PEX7: variants seen among roughly 807,000 people sequenced by gnomAD.
The protein encoded by PEX7 is PTS2 receptor.
A neutral mutation model predicts 47.5 loss-of-function variants in PEX7; 34 were observed. That is an observed-to-expected ratio of 0.72 (90% CI 0.54 to 0.95). The LOEUF (loss-of-function observed/expected upper bound fraction) is 0.95, where lower values mean the gene tolerates loss of function less well. Ranked by LOEUF, PEX7 falls within the 40% of genes least tolerant of loss-of-function variation. The probability of loss-of-function intolerance (pLI) is 0.00; values close to 1 mark genes in which losing one functional copy is unlikely to be tolerated. For missense variants in PEX7, 394 were observed against 400.3 expected (o/e 0.98, Z 0.13); for synonymous variants, 141 against 148.8 (o/e 0.95, Z 0.38).
chr6:136,888,557 A>G (rs138028674), intron 8 of PEX7, among the ~76,000 whole-genome samples: 1 of 152,252 alleles, frequency 6.6e-6, no homozygotes, highest in African/African-American at 2.4e-5. Flanking sequence ...GAACGGGAAT[A>G]TTTGCATTCC....
intron 5 of PEX7, among the ~76,000 whole-genome samples, chr6:136,862,614 G>T (rs1160093595): frequency 6.6e-6 from 1 of 152,172 alleles, no homozygotes; most frequent in African/African-American, 2.4e-5. Flanking sequence ...GGGCTCAAGT[G>T]ATCCTCCTGC....
chr6:136,898,607 AG>A (rs2115273693), intron 9 of PEX7, among the ~76,000 whole-genome samples: 1 of 152,322 alleles, frequency 6.6e-6, no homozygotes, highest in South Asian at 2.1e-4. Flanking sequence ...CCCATTAGGC[AG>A]TTGAGACCAT....
intron 8 of PEX7, among the ~76,000 whole-genome samples, chr6:136,893,837 A>T (rs1775598597): frequency 6.6e-6 from 1 of 152,268 alleles, no homozygotes; most frequent in African/African-American, 2.4e-5. Context: ...CTTACAAGTA[A>T]TTCATGACTA....
At position 136,825,206 on chromosome 6, in the gene PEX7, C is replaced by G. The variant is rs765917993; in HGVS notation, c.131-8C>G. On this transcript the variant is annotated splice_region_variant and splice_polypyrimidine_tract_variant and intron_variant, in intron 1 of 9. Transcript: ENST00000318471. ...CAAAGGGATGACCTTGATTTTTTTTCTCTTTAGGCTGTGGAACCCTACTAA... is the reference window on the plus strand; with the variant it reads ...CAAAGGGATGACCTTGATTTTTTTTGTCTTTAGGCTGTGGAACCCTACTAA... The G allele has an allele frequency of 6.2e-7, 1 of 1,612,738 alleles. No homozygotes were observed. Among genetic ancestry groups the G allele is most frequent in the Non-Finnish European group, 8.5e-7 (1 of 1,178,926 alleles).
intron 8 of PEX7, among the ~76,000 whole-genome samples, chr6:136,882,586 A>T (rs1775396333): frequency 6.6e-6 from 1 of 152,090 alleles, no homozygotes; most frequent in Admixed American, 6.6e-5. Flanking sequence ...ACTCAAGCAC[A>T]AATTATCTTA....
At chr6:136,905,646 A>G (rs1775833803) in intron 9 of PEX7, among the ~76,000 whole-genome samples, 1 of 152,114 alleles carries the variant, frequency 6.6e-6, no homozygotes, top group African/African-American at 2.4e-5. Context: ...CCTCTTTGCT[A>G]CATATCTTCA....
chr6:136,892,523 C>T (rs1193538921), intron 8 of PEX7, among the ~76,000 whole-genome samples: 1 of 152,128 alleles, frequency 6.6e-6, no homozygotes. Context: ...TTTCTTGGAT[C>T]ATATTGTCTT....
At chr6:136,842,760 T>TC (rs1185331524) in intron 3 of PEX7, among the ~76,000 whole-genome samples, 1 of 152,240 alleles carries the variant, frequency 6.6e-6, no homozygotes, top group African/African-American at 2.4e-5. Flanking sequence ...ATGTGAGTTA[T>TC]GTAACATTCT....
intron 8 of PEX7, among the ~76,000 whole-genome samples, chr6:136,873,641 T>A (rs1442450488): frequency 6.6e-6 from 1 of 152,172 alleles, no homozygotes; most frequent in Non-Finnish European, 1.5e-5. Context: ...TAAAATTCCC[T>A]CCACAAATAC....
intron 6 of PEX7, among the ~76,000 whole-genome samples, chr6:136,867,582 G>T (rs1453433918): frequency 6.6e-6 from 1 of 151,990 alleles, no homozygotes; most frequent in African/African-American, 2.4e-5. Flanking sequence ...GCTCTACAAT[G>T]TGTTTATATT....
chr6:136,887,710 G>A (rs1011605676), intron 8 of PEX7, among the ~76,000 whole-genome samples: 1 of 152,066 alleles, frequency 6.6e-6, no homozygotes, highest in African/African-American at 2.4e-5. Context: ...GGTTTATTGT[G>A]GGTTGGTAAT....
At chr6:136,856,859 A>T (rs1440737036) in intron 5 of PEX7, among the ~76,000 whole-genome samples, 1 of 152,128 alleles carries the variant, frequency 6.6e-6, no homozygotes, top group Non-Finnish European at 1.5e-5. Flanking sequence ...CAAGTACTGG[A>T]CCTGTAAGCT....
chr6:136,898,850 A>T (rs1775699725), intron 9 of PEX7, among the ~76,000 whole-genome samples: 1 of 152,016 alleles, frequency 6.6e-6, no homozygotes, highest in Non-Finnish European at 1.5e-5. Context: ...GAAATTGTAA[A>T]GTCAATCAGA....
chr6:136,837,993 G>T (rs1305133753), intron 3 of PEX7, among the ~76,000 whole-genome samples: 3 of 152,124 alleles, frequency 2.0e-5, no homozygotes, highest in Non-Finnish European at 4.4e-5. Context: ...TCCCTTTCTT[G>T]TATGAGTTTT....
intron 3 of PEX7, among the ~76,000 whole-genome samples, chr6:136,837,278 C>T (rs865983697): frequency 6.4e-5 from 9 of 140,486 alleles, no homozygotes; most frequent in Admixed American, 1.6e-4. Context: ...GGGAGAATGG[C>T]GTGAACCTGG....
At position 136,900,583 on chromosome 6, in the gene PEX7, T is replaced by G; in HGVS notation, c.903+2342T>G. 2.6e-6 allele frequency: 1 copy of G among 384,620 alleles called. No homozygotes were observed. Among genetic ancestry groups the G allele is most frequent in the Non-Finnish European group, 5.1e-6 (1 of 196,228 alleles). The allele number at this position is 384,620 out of a possible 1,614,324, so 23.8% of individuals were successfully genotyped here. On this transcript the variant is annotated intron_variant, in intron 9 of 9. Transcript: ENST00000318471. This position sits in a 1 kb window ranked among gnomAD's most constrained non-coding sequence, Gnocchi z 4.2. ...AATCTGTGTGAAGGTGATGGTGGTG[T>G]GGGTCATCCTGTGAACCAGTCTTGC...
At chr6:136,837,051 A>G (rs1455607433) in intron 3 of PEX7, among the ~76,000 whole-genome samples, 18 of 152,052 alleles carry the variant, frequency 1.2e-4, no homozygotes, top group Non-Finnish European at 4.4e-5. Flanking sequence ...AGGATAAGGC[A>G]TATCAGTAAT....
At chr6:136,853,297 C>A (rs1249612970) in intron 5 of PEX7, among the ~76,000 whole-genome samples, 1 of 152,182 alleles carries the variant, frequency 6.6e-6, no homozygotes, top group Admixed American at 6.5e-5. Context: ...TTGCTGACCT[C>A]TGGCATAAAT....
In PEX7 at chr6:136,853,407, G is replaced by A. The variant is rs55703853; in HGVS notation, c.526+7226G>A. Among the ~76,000 whole-genome samples the A allele has an allele frequency of 2.6e-3, 399 of 152,276 alleles. 3 individuals are homozygous for A. Among genetic ancestry groups the A allele is most frequent in the African/African-American group, 8.5e-3 (354 of 41,560 alleles). ...AGAGGAGGAGGTGGTGCTCCTAATA[G>A]TGTCTCCTCTTTCAGTTATGCAGCA... is the stretch of plus-strand genomic sequence containing the variant. On this transcript the variant is annotated intron_variant, in intron 5 of 9. Transcript: ENST00000318471.
Sources: allele counts gnomAD v4.1 joint callset (sites outside exome capture counted in the v4.1 genomes callset), GRCh38; gene constraint gnomAD v4.1.1; non-coding constraint Gnocchi (gnomAD v3.1); transcripts MANE v1.5; gene names NCBI Gene and HGNC (gene_info 2026-07-23, HGNC 2026-07-21).